Variants in ARFGEF3 observed in about 807,000 individuals in gnomAD.
ARFGEF3 encodes the protein brefeldin A-inhibited guanine nucleotide-exchange protein 3.
A neutral mutation model predicts 221.7 loss-of-function variants in ARFGEF3; 96 were observed. That is an observed-to-expected ratio of 0.43 (90% CI 0.37 to 0.51). The LOEUF (loss-of-function observed/expected upper bound fraction) is 0.51, where lower values mean the gene tolerates loss of function less well. Among genes scored for constraint, ARFGEF3 ranks in the 20% least tolerant of loss-of-function variants. The probability of loss-of-function intolerance (pLI) is 0.00; values close to 1 mark genes in which losing one functional copy is unlikely to be tolerated. For synonymous variants in ARFGEF3, 1,145 were observed against 1,126.8 expected (o/e 1.02, Z -0.32); for missense variants, 2,410 against 2,789.9 (o/e 0.86, Z 3.07).
chr6:138,323,057 AGAG>A (rs1352701609), intron 29 of ARFGEF3, among the ~76,000 whole-genome samples: 1 of 151,998 alleles, frequency 6.6e-6, no homozygotes. Context: ...TTTTGCTTGT[AGAG>A]GAGTGATGGA....
At chr6:138,229,717 T>C in intron 4 of ARFGEF3, 67 bp from the exon 5 acceptor site, 2 of 1,256,884 alleles carry the variant, frequency 1.6e-6, no homozygotes, top group Non-Finnish European at 2.3e-6. Flanking sequence ...AAATGGCATA[T>C]GAAACAACAG....
intron 14 of ARFGEF3, among the ~76,000 whole-genome samples, 189 bp from the exon 15 acceptor site, chr6:138,285,757 C>T (rs1779276299): frequency 6.6e-6 from 1 of 151,972 alleles, no homozygotes; most frequent in Admixed American, 6.6e-5. Context: ...AATAAATACT[C>T]CAAAGTGAAA....
In ARFGEF3 at chr6:138,291,289, C is replaced by G. The variant is rs1011830734; in HGVS notation, c.3048-444C>G. On this transcript the variant is annotated intron_variant, in intron 18 of 33. Coordinates refer to ENST00000251691, the MANE Select transcript of ARFGEF3 (RefSeq NM_020340.5). This position sits in a 1 kb window ranked among gnomAD's most constrained non-coding sequence, Gnocchi z 4.5. Reference sequence around the variant, plus strand: ...AGAACCCACTGTGGCTAGTTGGCCTCTCCGTCATAGGTATAGCCATTCTGG... The same window carrying G: ...AGAACCCACTGTGGCTAGTTGGCCTGTCCGTCATAGGTATAGCCATTCTGG... 1.1e-4 allele frequency among the ~76,000 whole-genome samples: 17 copies of G among 151,466 alleles called. No homozygotes were observed. Among genetic ancestry groups the G allele is most frequent in the African/African-American group, 3.9e-4 (16 of 40,764 alleles).
At chr6:138,333,181 G>T (rs150179420) in intron 32 of ARFGEF3, among the ~76,000 whole-genome samples, 1 of 152,148 alleles carries the variant, frequency 6.6e-6, no homozygotes, top group East Asian at 1.9e-4. Flanking sequence ...AAAAAGTTTG[G>T]CAAACATAGT....
At chr6:138,278,654 A>G in intron 13 of ARFGEF3, 37 bp downstream of exon 13, 1 of 1,607,736 alleles carries the variant, frequency 6.2e-7, no homozygotes, top group South Asian at 1.1e-5. Context: ...GGCAGAGGGC[A>G]GGCTGTAACT....
intron 2 of ARFGEF3, among the ~76,000 whole-genome samples, chr6:138,180,384 C>T (rs980219433): frequency 6.6e-6 from 1 of 152,202 alleles, no homozygotes; most frequent in Non-Finnish European, 1.5e-5. Flanking sequence ...AGGATCTGAG[C>T]ATACATGCTG....
intron 6 of ARFGEF3, among the ~76,000 whole-genome samples, chr6:138,242,685 A>C (rs1778414564): frequency 6.6e-6 from 1 of 152,204 alleles, no homozygotes; most frequent in Admixed American, 6.5e-5. Flanking sequence ...ACTTCCAGGA[A>C]GTATCCACGC....
chr6:138,230,547 G>A (rs1562361557), intron 5 of ARFGEF3, among the ~76,000 whole-genome samples: 1 of 152,156 alleles, frequency 6.6e-6, no homozygotes, highest in Non-Finnish European at 1.5e-5. Context: ...CCACAAAGAG[G>A]AATGATTTTC....
At position 138,321,112 on chromosome 6, in the gene ARFGEF3, T is replaced by C. The variant is rs1427567060; in HGVS notation, c.4653T>C (p.Asp1551=). 1.3e-6 allele frequency: 2 copies of C among 1,545,314 alleles called. No homozygotes were observed. Among genetic ancestry groups the C allele is most frequent in the Non-Finnish European group, 1.8e-6 (2 of 1,139,206 alleles). ...CTGTGATTTTGCTGTTTCCCATAGA[T>C]ATCAGGTACGAGAGCATGATCAATA... is the stretch of plus-strand genomic sequence containing the variant. ...VEHIQSFLHS[D]IRYESMINTM... Residue 1551 remains aspartate, a splice_region_variant and synonymous_variant, in exon 29 of 34, where the codon GAT becomes GAC. Coordinates refer to ENST00000251691, the MANE Select transcript of ARFGEF3 (RefSeq NM_020340.5).
At position 138,337,514 on chromosome 6, in the gene ARFGEF3, A is replaced by C. The variant is rs1780350796; in HGVS notation, c.*1028A>C. ...AGCAGGGAGTGTGGGGTGGGGATGGATTATGATGAAATCATTTTCAATCTT... is the reference window on the plus strand; with the variant it reads ...AGCAGGGAGTGTGGGGTGGGGATGGCTTATGATGAAATCATTTTCAATCTT... On this transcript the variant is annotated 3_prime_UTR_variant, in exon 34 of 34. Transcript: ENST00000251691. The C allele has an allele frequency of 6.6e-6, 1 of 152,648 alleles. No individual in the cohort carries two copies. The highest frequency in any genetic ancestry group is 6.5e-5 in the Admixed American group (1 of 15,280). 9.5% of individuals were successfully genotyped at this position (152,648 alleles called of 1,614,324 possible).
At chr6:138,301,484 C>T (rs1377642735) in intron 22 of ARFGEF3, among the ~76,000 whole-genome samples, 2 of 152,130 alleles carry the variant, frequency 1.3e-5, no homozygotes, top group South Asian at 2.1e-4. Context: ...GGGGAGAAGA[C>T]CATTGGCTTG....
chr6:138,336,470 A>C lies in ARFGEF3; in HGVS notation c.6518A>C (p.Tyr2173Ser). The change falls in exon 34 of 34, where the codon TAT becomes TCT. Residue 2173 changes from tyrosine (Y) to serine (S), a missense_variant. By Grantham distance (144) the Tyr-to-Ser change is moderately radical. Transcript: ENST00000251691. ...TGGCTGGGCAGGGTGGGCCGTGTCT[A>C]TGACATCATTGTGTAGCCGACTCCT... Reference protein sequence around the residue: ...REWLGRVGRVYDIIV With the variant: ...REWLGRVGRVSDIIV The C allele has an allele frequency of 6.2e-7, 1 of 1,609,314 alleles. No individual in the cohort carries two copies. The highest frequency in any genetic ancestry group is 8.5e-7 in the Non-Finnish European group (1 of 1,177,828).
At chr6:138,209,379 A>G (rs1777680037) in intron 3 of ARFGEF3, among the ~76,000 whole-genome samples, 1 of 152,122 alleles carries the variant, frequency 6.6e-6, no homozygotes, top group South Asian at 2.1e-4. Context: ...GTTTCACTTG[A>G]TGGAACTTAG....
intron 12 of ARFGEF3, among the ~76,000 whole-genome samples, chr6:138,273,390 T>A (rs995785961): frequency 6.6e-6 from 1 of 152,236 alleles, no homozygotes; most frequent in Non-Finnish European, 1.5e-5. Context: ...TCCTCCTGTT[T>A]CCACAGTAAA....
chr6:138,300,940 T>C (rs1434756623), intron 22 of ARFGEF3, among the ~76,000 whole-genome samples: 1 of 152,232 alleles, frequency 6.6e-6, no homozygotes, highest in Non-Finnish European at 1.5e-5. Context: ...AATCTTCAAA[T>C]TATTTCTTGA....
intron 4 of ARFGEF3, among the ~76,000 whole-genome samples, chr6:138,211,738 C>G (rs781147386): frequency 1.0e-3 from 155 of 152,272 alleles, no homozygotes; most frequent in Non-Finnish European, 1.3e-3. Flanking sequence ...CTTCTAGGAG[C>G]TATGCACAAG....
intron 28 of ARFGEF3, among the ~76,000 whole-genome samples, chr6:138,320,638 T>A (rs1256740153): frequency 1.3e-5 from 2 of 152,148 alleles, no homozygotes; most frequent in African/African-American, 2.4e-5. Flanking sequence ...CAGGGGAGAC[T>A]AACAAAGCTA....
intron 14 of ARFGEF3, among the ~76,000 whole-genome samples, chr6:138,280,811 A>G (rs1392492728): frequency 6.6e-6 from 1 of 152,176 alleles, no homozygotes; most frequent in African/African-American, 2.4e-5. Flanking sequence ...AGATTACACC[A>G]CTGTACTCCA....
At chr6:138,196,873 G>C (rs557016798) in intron 2 of ARFGEF3, among the ~76,000 whole-genome samples, 6 of 152,002 alleles carry the variant, frequency 3.9e-5, no homozygotes, top group African/African-American at 1.4e-4. Context: ...CGCTCTTGTG[G>C]CCCAGGCTGG....
Sources: gnomAD v4.1 joint callset for allele counts (sites outside exome capture counted in the v4.1 genomes callset) on GRCh38, gnomAD v4.1.1 for gene constraint, Gnocchi (gnomAD v3.1) non-coding constraint, MANE v1.5 for transcripts, NCBI Gene and HGNC (gene_info 2026-07-23, HGNC 2026-07-21) for gene names.